RAPGEF2: variants seen among roughly 807,000 people sequenced by gnomAD.
RAPGEF2 encodes the protein PDZ domain containing guanine nucleotide exchange factor (GEF) 1.
In RAPGEF2, 54 loss-of-function variants were observed where a neutral mutation model predicts 186.7. The observed-to-expected ratio is 0.29, with a 90% CI of 0.23 to 0.36. RAPGEF2 has a LOEUF of 0.36. RAPGEF2 is among the 10% of genes least tolerant of loss of function. The pLI, the probability that RAPGEF2 is intolerant of heterozygous loss-of-function variation, is 1.00. For missense variants in RAPGEF2, 1,532 were observed against 2,045.0 expected (o/e 0.75, Z 4.84); for synonymous variants, 712 against 705.9 (o/e 1.01, Z -0.14).
rs571894930 is a variant in RAPGEF2 at position 159,156,431 on chromosome 4, A to G, written c.70-30211A>G. On this transcript the variant is annotated intron_variant, in intron 1 of 29. Coordinates refer to ENST00000691494, the MANE Select transcript of RAPGEF2 (RefSeq NM_001394067.2). Reference sequence around the variant, plus strand: ...ATATCTACTTTCTGAATTCTTTTCTATAAATTATGATTTGTATGTAATTTT... The same window carrying G: ...ATATCTACTTTCTGAATTCTTTTCTGTAAATTATGATTTGTATGTAATTTT... Among the ~76,000 whole-genome samples, 7 of 152,294 alleles carry G rather than the reference A, an allele frequency of 4.6e-5. No homozygotes were observed. In the South Asian group the frequency reaches 6.2e-4, roughly 14 times the overall value.
chr4:159,104,124 C>CA lies in RAPGEF2; in HGVS notation c.-38dup. ...GGCGCTGGGCCGGGAGGAGGCCGGC[C>CA]AGGGTGCGGAGCGGCCCCGGCCCGC... On this transcript the variant is annotated 5_prime_UTR_variant, in exon 1 of 30. Transcript: ENST00000691494. 1 of 1,408,696 alleles carries CA rather than the reference C, an allele frequency of 7.1e-7. No individual in the cohort carries two copies. Among genetic ancestry groups the CA allele is most frequent in the Non-Finnish European group, 9.4e-7 (1 of 1,063,146 alleles). The allele number at this position is 1,408,696 out of a possible 1,614,324, so 87.3% of individuals were successfully genotyped here.
chr4:159,276,483 AG>A (rs1579722815), intron 7 of RAPGEF2, among the ~76,000 whole-genome samples: 1 of 152,194 alleles, frequency 6.6e-6, no homozygotes, highest in East Asian at 1.9e-4. Flanking sequence ...TATATAGAAG[AG>A]GGTACACTTT....
At chr4:159,183,587 A>G (rs1747244771) in intron 1 of RAPGEF2, among the ~76,000 whole-genome samples, 1 of 152,212 alleles carries the variant, frequency 6.6e-6, no homozygotes, top group Non-Finnish European at 1.5e-5. Context: ...TTGTGCTTCA[A>G]AGGACACCAT....
At chr4:159,222,916 T>TTTTA (rs1554012591) in intron 4 of RAPGEF2, among the ~76,000 whole-genome samples, 2 of 148,900 alleles carry the variant, frequency 1.3e-5, no homozygotes, top group Admixed American at 6.7e-5. Flanking sequence ...ATGAGTTGAA[T>TTTTA]TATATATATA....
chr4:159,327,674 AG>A (rs1487623545), intron 11 of RAPGEF2: 1 of 152,124 alleles, frequency 6.6e-6, no homozygotes, highest in East Asian at 1.9e-4. Context: ...AAAAACTCAA[AG>A]ATTTTCAACT....
chr4:159,129,397 T>A (rs530698612), intron 1 of RAPGEF2, among the ~76,000 whole-genome samples: 132 of 152,324 alleles, frequency 8.7e-4, no homozygotes, highest in Middle Eastern at 6.8e-3. Context: ...TTCTTTATTT[T>A]ATGTTTAGGG....
rs546816578 is a variant in RAPGEF2 at position 159,103,464 on chromosome 4, G to A, written c.-699G>A. ...GGCGGCGGCGGCGGCTGGGCGGCCC[G>A]AGGGGATGCAGCAGCAGTCGGGAGG... is the stretch of plus-strand genomic sequence containing the variant. On this transcript the variant is annotated 5_prime_UTR_variant, in exon 1 of 30. Transcript: ENST00000691494. The A allele has an allele frequency of 9.5e-5, 15 of 158,260 alleles. No homozygotes were observed. In the South Asian group the frequency reaches 2.4e-3, roughly 26 times the overall value. 9.8% of individuals were successfully genotyped at this position (158,260 alleles called of 1,614,324 possible).
At chr4:159,322,542 A>G in intron 10 of RAPGEF2, 59 bp downstream of exon 10, 2 of 1,457,018 alleles carry the variant, frequency 1.4e-6, no homozygotes, top group Non-Finnish European at 1.9e-6. Context: ...CAATACAGCA[A>G]TTGAACAAAA....
At chr4:159,275,360 A>T (rs563192569) in intron 7 of RAPGEF2, among the ~76,000 whole-genome samples, 20 of 152,236 alleles carry the variant, frequency 1.3e-4, no homozygotes, top group African/African-American at 4.8e-4. Context: ...AGCCTGAAAA[A>T]TTTCTTTACA....
chr4:159,325,654 C>T (rs1765825000), intron 11 of RAPGEF2, among the ~76,000 whole-genome samples: 1 of 151,814 alleles, frequency 6.6e-6, no homozygotes, highest in African/African-American at 2.4e-5. Context: ...ATTAGCCAGA[C>T]CCTTTTGTTA....
intron 10 of RAPGEF2, 121 bp from the exon 11 acceptor site, chr4:159,323,338 A>T: frequency 1.4e-6 from 1 of 737,242 alleles, no homozygotes; most frequent in Non-Finnish European, 2.1e-6. Flanking sequence ...AGTAAACTTG[A>T]GTTACTTGTT....
chr4:159,185,070 C>T (rs1747420060), intron 1 of RAPGEF2, among the ~76,000 whole-genome samples: 1 of 152,112 alleles, frequency 6.6e-6, no homozygotes, highest in South Asian at 2.1e-4. Context: ...CAAAAAAGCA[C>T]ATGAAAAGAC....
chr4:159,266,629 TG>T (rs1161982857), intron 7 of RAPGEF2, among the ~76,000 whole-genome samples: 4 of 152,196 alleles, frequency 2.6e-5, no homozygotes, highest in African/African-American at 9.6e-5. Context: ...CAAGGCAATA[TG>T]TGCATCTGTG....
intron 1 of RAPGEF2, among the ~76,000 whole-genome samples, chr4:159,149,872 A>G (rs1561014164): frequency 6.6e-6 from 1 of 152,230 alleles, no homozygotes; most frequent in East Asian, 1.9e-4. Flanking sequence ...TTGCTATCAT[A>G]AACAGATGTG....
At chr4:159,111,335 G>A (rs151228851) in intron 1 of RAPGEF2, among the ~76,000 whole-genome samples, 26 of 152,318 alleles carry the variant, frequency 1.7e-4, no homozygotes, top group African/African-American at 5.5e-4. Context: ...CTTGTCTTCC[G>A]CTGGCTGTTG....
chr4:159,143,621 T>A (rs1356196949), intron 1 of RAPGEF2, among the ~76,000 whole-genome samples: 1 of 152,196 alleles, frequency 6.6e-6, no homozygotes, highest in Non-Finnish European at 1.5e-5. Context: ...TCTTTTTTTT[T>A]AACAGCTGCA....
chr4:159,159,994 A>C (rs1396987002), intron 1 of RAPGEF2, among the ~76,000 whole-genome samples: 1 of 152,222 alleles, frequency 6.6e-6, no homozygotes, highest in Non-Finnish European at 1.5e-5. Flanking sequence ...CCCACATTTA[A>C]ACTCTAATAG....
intron 7 of RAPGEF2, among the ~76,000 whole-genome samples, chr4:159,255,158 T>A (rs1756000568): frequency 6.6e-6 from 1 of 152,158 alleles, no homozygotes; most frequent in Non-Finnish European, 1.5e-5. Flanking sequence ...GTAGGCAACA[T>A]TATCTAGGTT....
chr4:159,272,507 TA>T (rs1420302939), intron 7 of RAPGEF2, among the ~76,000 whole-genome samples: 1 of 152,238 alleles, frequency 6.6e-6, no homozygotes, highest in Non-Finnish European at 1.5e-5. Flanking sequence ...CAGGATCACT[TA>T]ATATGCAGTG....
Sources: gnomAD v4.1 joint callset for allele counts (sites outside exome capture counted in the v4.1 genomes callset) on GRCh38, gnomAD v4.1.1 for gene constraint, MANE v1.5 for transcripts, NCBI Gene and HGNC (gene_info 2026-07-23, HGNC 2026-07-21) for gene names.